Variants in RNASEH1 observed in about 807,000 individuals in gnomAD.
RNASEH1 encodes ribonuclease H type II.
Under a neutral mutation model 34.6 loss-of-function variants are expected in RNASEH1, and 27 were observed. The observed-to-expected ratio is 0.78, with a 90% CI of 0.58 to 1.08. The LOEUF is 1.08. Ranked by LOEUF, RNASEH1 falls within the 50% of genes least tolerant of loss-of-function variation. RNASEH1 has a pLI of 0.00. For missense variants in RNASEH1, 349 were observed against 373.6 expected, an observed-to-expected ratio of 0.93 and a Z score of 0.54; for synonymous variants, 162 against 138.4, an observed-to-expected ratio of 1.17 and a Z score of -1.20.
chr2:3,540,163 C>T (rs1235626264), downstream of RNASEH1, among the ~76,000 whole-genome samples: 3 of 152,134 alleles, frequency 2.0e-5, no homozygotes, highest in South Asian at 2.1e-4. Flanking sequence ...ATATATTCCA[C>T]AATATGTAGC....
At chr2:3,533,472 G>T in the RNASEH1 span, 12 of 152,388 alleles carry the variant, frequency 7.9e-5, no homozygotes, top group African/African-American at 2.2e-4. Context: ...GGCCCTCCTG[G>T]GCTGCTACGA....
rs1668349717 is a variant in RNASEH1, at chr2:3,542,042, AAAAGAAAC to A, written c.*3735_*3742del. ...GTACAATAACAACTTTTAAAACTCA[AAAAGAAAC>A]AAAGAAAGAGATAAAAGAGATTCAA... On this transcript the variant is annotated 3_prime_UTR_variant, in exon 8 of 8. Coordinates refer to ENST00000315212, the MANE Select transcript of RNASEH1 (RefSeq NM_002936.6). Among the ~76,000 whole-genome samples, 1 of 152,226 alleles carries A rather than the reference AAAAGAAAC, an allele frequency of 6.6e-6. No individual in the cohort carries two copies. The highest frequency in any genetic ancestry group is 6.5e-5 in the Admixed American group (1 of 15,278).
At chr2:3,553,839 T>C (rs1456277499) in intron 2 of RNASEH1, among the ~76,000 whole-genome samples, 4 of 152,234 alleles carry the variant, frequency 2.6e-5, no homozygotes, top group Admixed American at 6.5e-5. Context: ...TTTTATCAGC[T>C]GCGAACTCCG....
At chr2:3,551,034 C>A (rs188463647) in intron 3 of RNASEH1, among the ~76,000 whole-genome samples, 34 of 152,334 alleles carry the variant, frequency 2.2e-4, no homozygotes, top group African/African-American at 7.5e-4. Flanking sequence ...CTGACGGGGG[C>A]ATTCTCAGGC....
At chr2:3,539,137 G>T (rs957424239), downstream of RNASEH1, among the ~76,000 whole-genome samples, 8 of 151,856 alleles carry the variant, frequency 5.3e-5, no homozygotes, top group South Asian at 2.1e-4. Context: ...TTTGCTTATG[G>T]CTCTTCAAAA....
chr2:3,553,874 T>G (rs1371672732), intron 2 of RNASEH1, among the ~76,000 whole-genome samples: 1 of 152,220 alleles, frequency 6.6e-6, no homozygotes, highest in Non-Finnish European at 1.5e-5. Flanking sequence ...CCCTCTGGGC[T>G]TCTGTAAAAC....
At position 3,553,151 on chromosome 2, in the gene RNASEH1, G is replaced by A. The variant is rs1407401111; in HGVS notation, c.245-843C>T. 3.3e-5 allele frequency among the ~76,000 whole-genome samples: 5 copies of A among 152,022 alleles called. No homozygotes were observed. The East Asian group carries it at 1.0e-3, about 30-fold the overall frequency. ...TAATCCCAGCTACTCAGGAGGCTGAGGCAGGAGAATGGTGTGAACCCAGGA... is the reference window on the plus strand; with the variant it reads ...TAATCCCAGCTACTCAGGAGGCTGAAGCAGGAGAATGGTGTGAACCCAGGA... On this transcript the variant is annotated intron_variant, in intron 2 of 7. Coordinates refer to ENST00000315212, the MANE Select transcript of RNASEH1 (RefSeq NM_002936.6).
In RNASEH1 at chr2:3,552,462, A is replaced by C. The variant is rs1289575382; in HGVS notation, c.245-154T>G. On this transcript the variant is annotated intron_variant, in intron 2 of 7. Transcript: ENST00000315212. ...CTACAACGAGGGAAACGAGGGAATG[A>C]CCCCCTCCACGCCATCTCCACCCCC... 2.7e-5 allele frequency among the ~76,000 whole-genome samples: 4 copies of C among 146,120 alleles called. No homozygotes were observed. The South Asian group carries it at 6.7e-4, about 24-fold the overall frequency.
At chr2:3,538,471 G>A (rs1572266163), downstream of RNASEH1, among the ~76,000 whole-genome samples, 1 of 152,050 alleles carries the variant, frequency 6.6e-6, no homozygotes, top group East Asian at 1.9e-4. Context: ...CCCATTCCCA[G>A]TGTAATAGAG....
chr2:3,532,537 C>T, the RNASEH1 span, among the ~76,000 whole-genome samples: 1 of 152,156 alleles, frequency 6.6e-6, no homozygotes, highest in Non-Finnish European at 1.5e-5. Flanking sequence ...ACTACACACC[C>T]GGGCCACGTG....
chr2:3,552,993 G>C (rs1473043285), intron 2 of RNASEH1, among the ~76,000 whole-genome samples: 2 of 152,112 alleles, frequency 1.3e-5, no homozygotes, highest in Non-Finnish European at 2.9e-5. Context: ...TATTAAGAAA[G>C]GAAAACAGGG....
chr2:3,545,925 CAT>C (rs1307423292), intron 7 of RNASEH1, 54 bp from the exon 8 acceptor site: 29 of 1,255,224 alleles, frequency 2.3e-5, no homozygotes, highest in Non-Finnish European at 3.3e-5. Context: ...ATAAGCAACA[CAT>C]GACTATATTG....
rs903309889 is a variant in RNASEH1, at chr2:3,548,064, A to G, written c.650-9T>C. ...AACCCAGTTAGTTATACCTACAAAA[A>G]TGCACGATCACTGGTGAGTCAATCT... On this transcript the variant is annotated splice_polypyrimidine_tract_variant and intron_variant, in intron 6 of 7. Coordinates refer to ENST00000315212, the MANE Select transcript of RNASEH1 (RefSeq NM_002936.6). 4 of 1,613,858 alleles carry G rather than the reference A, an allele frequency of 2.5e-6. No homozygotes were observed. Among genetic ancestry groups the G allele is most frequent in the Non-Finnish European group, 3.4e-6 (4 of 1,179,918 alleles).
intron 1 of RNASEH1, chr2:3,557,563 C>T (rs1294299242): frequency 7.0e-6 from 2 of 284,014 alleles, no homozygotes; most frequent in Non-Finnish European, 1.4e-5. Flanking sequence ...GGGAAGAGTT[C>T]TGGTGGTACA....
chr2:3,556,446 C>T (rs1012461180), intron 2 of RNASEH1, among the ~76,000 whole-genome samples: 3 of 151,628 alleles, frequency 2.0e-5, no homozygotes, highest in Admixed American at 2.0e-4. Flanking sequence ...GCTGGGATTA[C>T]AGGTGTGCGC....
intron 2 of RNASEH1, among the ~76,000 whole-genome samples, chr2:3,554,166 C>T (rs563972557): frequency 6.6e-6 from 1 of 152,342 alleles, no homozygotes; most frequent in East Asian, 1.9e-4. Flanking sequence ...ATCAGCACGA[C>T]GTCAGCAACA....
At chr2:3,546,975 T>C (rs146253131) in intron 7 of RNASEH1, among the ~76,000 whole-genome samples, 2,536 of 152,138 alleles carry the variant, frequency 0.017, 42 homozygotes, top group South Asian at 0.06. Context: ...ATACAAAAAT[T>C]AGCCAGGCGT....
At chr2:3,557,985 G>A (rs1029506408) in intron 1 of RNASEH1, 148 bp downstream of exon 1, 13 of 1,490,252 alleles carry the variant, frequency 8.7e-6, no homozygotes, top group East Asian at 2.5e-5. Flanking sequence ...GGCCGAGCAG[G>A]AAAACGAGGC....
At chr2:3,556,293 C>T (rs1321271215) in intron 2 of RNASEH1, among the ~76,000 whole-genome samples, 5 of 151,474 alleles carry the variant, frequency 3.3e-5, no homozygotes, top group Non-Finnish European at 7.4e-5. Flanking sequence ...CCCATCCAGT[C>T]CAATAACTAT....
Sources: gnomAD v4.1 joint callset for allele counts (sites outside exome capture counted in the v4.1 genomes callset) on GRCh38, gnomAD v4.1.1 for gene constraint, MANE v1.5 for transcripts, NCBI Gene and HGNC (gene_info 2026-07-23, HGNC 2026-07-21) for gene names.